The following GOT2 variants were observed in gnomAD, a reference collection of about 807,000 sequenced individuals.
GOT2 encodes the protein aspartate aminotransferase, mitochondrial.
In GOT2, 17 loss-of-function variants were observed where a neutral mutation model predicts 50.0. That is an observed-to-expected ratio of 0.34 (90% CI 0.23 to 0.51). The LOEUF (loss-of-function observed/expected upper bound fraction) is 0.51. Among genes scored for constraint, GOT2 ranks in the 20% least tolerant of loss-of-function variants. The pLI is 0.97. For synonymous variants in GOT2, 172 were observed against 204.9 expected (o/e 0.84, Z 1.37); for missense variants, 430 against 559.6 (o/e 0.77, Z 2.34).
At chr16:58,715,870 A>G in intron 8 of GOT2, 144 bp downstream of exon 8, 1 of 631,514 alleles carries the variant, frequency 1.6e-6, no homozygotes, top group Non-Finnish European at 2.6e-6. Flanking sequence ...TTAAAAAAGG[A>G]ATGCACATTT....
chr16:58,722,079 C>T (rs1030436089), intron 3 of GOT2, 71 bp downstream of exon 3: 4 of 1,573,666 alleles, frequency 2.5e-6, no homozygotes, highest in Non-Finnish European at 3.5e-6. Flanking sequence ...CGCGCCTGGC[C>T]TAAAATTGTT....
intron 4 of GOT2, 40 bp from the exon 5 acceptor site, chr16:58,718,728 G>T: frequency 6.7e-7 from 1 of 1,489,980 alleles, no homozygotes; most frequent in Non-Finnish European, 9.0e-7. Context: ...AATGAACAAA[G>T]GAGAGGCAAA....
intron 4 of GOT2, 152 bp from the exon 5 acceptor site, chr16:58,718,840 G>C: frequency 1.5e-6 from 1 of 655,582 alleles, no homozygotes. Flanking sequence ...AGACTGCCTG[G>C]GTTGGAATAG....
chr16:58,722,827 A>G (rs1051545672), intron 2 of GOT2, among the ~76,000 whole-genome samples: 1 of 152,172 alleles, frequency 6.6e-6, no homozygotes, highest in African/African-American at 2.4e-5. Flanking sequence ...CTTGGTTACA[A>G]TTTAACATAA....
intron 6 of GOT2, 35 bp from the exon 7 acceptor site, chr16:58,716,848 CT>C (rs769934797): frequency 6.2e-7 from 1 of 1,606,892 alleles, no homozygotes; most frequent in East Asian, 2.2e-5. Context: ...CTTTAGCAGT[CT>C]TTCTGAAGAG....
intron 1 of GOT2, among the ~76,000 whole-genome samples, chr16:58,733,447 C>T (rs930170117): frequency 6.6e-6 from 1 of 152,118 alleles, no homozygotes; most frequent in East Asian, 1.9e-4. Context: ...GATAGCCTCC[C>T]TGCAACCGGA....
intron 2 of GOT2, among the ~76,000 whole-genome samples, chr16:58,723,300 T>C (rs192174688): frequency 2.2e-4 from 34 of 152,292 alleles, no homozygotes; most frequent in African/African-American, 7.9e-4. Context: ...GAAAATTGCA[T>C]AGCTCAGCAG....
chr16:58,733,571 G>A (rs2044852213), intron 1 of GOT2, among the ~76,000 whole-genome samples: 1 of 152,040 alleles, frequency 6.6e-6, no homozygotes, highest in African/African-American at 2.4e-5. Flanking sequence ...GGGACCTCGG[G>A]GGGTCGCAAG....
chr16:58,715,857 T>G (rs974578338), intron 8 of GOT2, among the ~76,000 whole-genome samples, 157 bp downstream of exon 8: 9 of 152,178 alleles, frequency 5.9e-5, no homozygotes, highest in African/African-American at 2.4e-5. Context: ...CGGCCTTAAT[T>G]TTTTAAAAAA....
In GOT2 at chr16:58,719,270, C is replaced by A. The variant is rs778697863; in HGVS notation, c.376-15G>T. 1.9e-6 allele frequency: 3 copies of A among 1,604,512 alleles called. No homozygotes were observed. Among genetic ancestry groups the A allele is most frequent in the Non-Finnish European group, 2.6e-6 (3 of 1,171,496 alleles). On this transcript the variant is annotated splice_polypyrimidine_tract_variant and intron_variant, in intron 3 of 9. Coordinates refer to ENST00000245206, the MANE Select transcript of GOT2 (RefSeq NM_002080.4). Reference sequence around the variant, plus strand: ...ACAGTGACAAACTGAAGGAGAGATACCCACGGTCAGTGATGTGCAACACTC... The same window carrying A: ...ACAGTGACAAACTGAAGGAGAGATAACCACGGTCAGTGATGTGCAACACTC...
chr16:58,721,781 A>AT (rs11333258), intron 3 of GOT2: 85 of 140,738 alleles, frequency 6.0e-4, no homozygotes, highest in Admixed American at 8.5e-4. Context: ...TATTTCTTAA[A>AT]TTTTTTTTTT....
chr16:58,718,266 G>A lies in GOT2; in HGVS notation c.632C>T (p.Ala211Val). The change falls in exon 6 of 10, where the codon GCC becomes GTC. Residue 211 changes from alanine (A) to valine (V), a missense_variant. Ala to Val is a moderately conservative substitution (Grantham distance 64). Transcript: ENST00000245206. ...IPEQSVLLLH[A>V]CAHNPTGVDP... ...CACTCCCGTGGGATTGTGGGCGCAG[G>A]CATGCAGAAGAAGAACACTCTGCTC... 1.9e-6 allele frequency: 3 copies of A among 1,614,034 alleles called. No homozygotes were observed. The highest frequency in any genetic ancestry group is 2.5e-6 in the Non-Finnish European group (3 of 1,179,880).
Position 58,734,200 on chromosome 16 carries a change from A to T in GOT2, c.29T>A (p.Leu10His). Residue 10 changes from leucine (L) to histidine (H), a missense_variant, in exon 1 of 10, where the codon CTC becomes CAC. Physicochemically the swap from Leu to His is moderately conservative, Grantham distance 99 (BLOSUM62 -3). Coordinates refer to ENST00000245206, the MANE Select transcript of GOT2 (RefSeq NM_002080.4). MALLHSGRV[L>H]PGIAAAFHPG... ...GTGGAAGGCGGCGGCGATCCCGGGG[A>T]GGACGCGGCCGGAGTGCAGCAGGGC... 7.5e-7 allele frequency: 1 copy of T among 1,337,454 alleles called. No individual in the cohort carries two copies. Among genetic ancestry groups the T allele is most frequent in the South Asian group, 2.5e-5 (1 of 40,646 alleles). The allele number at this position is 1,337,454 out of a possible 1,614,324, so 82.8% of individuals were successfully genotyped here.
intron 1 of GOT2, among the ~76,000 whole-genome samples, chr16:58,731,877 C>G (rs2044837413): frequency 6.6e-6 from 1 of 152,214 alleles, no homozygotes; most frequent in African/African-American, 2.4e-5. Context: ...CCATTTGGAG[C>G]TAGGTAAAGA....
intron 1 of GOT2, among the ~76,000 whole-genome samples, chr16:58,726,463 C>A (rs376508609): frequency 1.1e-4 from 17 of 151,446 alleles, no homozygotes; most frequent in Non-Finnish European, 2.9e-5. Flanking sequence ...AGATTACAGG[C>A]GTGAGCCGCC....
At chr16:58,709,606 G>C in intron 8 of GOT2, 39 bp from the exon 9 acceptor site, 1 of 1,573,024 alleles carries the variant, frequency 6.4e-7, no homozygotes, top group Non-Finnish European at 8.7e-7. Flanking sequence ...TTCTGCCTAA[G>C]CACTGACCGA....
intron 1 of GOT2, among the ~76,000 whole-genome samples, chr16:58,727,051 G>A (rs2044792107): frequency 6.6e-6 from 1 of 152,076 alleles, no homozygotes. Flanking sequence ...CTACTTGGGA[G>A]GCTGAGGCAT....
intron 3 of GOT2, 57 bp downstream of exon 3, chr16:58,722,093 A>T: frequency 6.3e-7 from 1 of 1,594,086 alleles, no homozygotes; most frequent in Non-Finnish European, 8.6e-7. Flanking sequence ...AATTGTTTAA[A>T]TAATTACAAA....
At chr16:58,729,119 G>A (rs1042904442) in intron 1 of GOT2, among the ~76,000 whole-genome samples, 1 of 151,572 alleles carries the variant, frequency 6.6e-6, no homozygotes, top group Non-Finnish European at 1.5e-5. Flanking sequence ...GTGTTGCTGT[G>A]GCTCTAGGTT....
Sources: gnomAD v4.1 joint callset for allele counts (sites outside exome capture counted in the v4.1 genomes callset) on GRCh38, gnomAD v4.1.1 for gene constraint, MANE v1.5 for transcripts, NCBI Gene and HGNC (gene_info 2026-07-23, HGNC 2026-07-21) for gene names.